The following UPRT variants were observed in gnomAD, a reference collection of about 807,000 sequenced individuals.
The protein encoded by UPRT is RP11-311P8.3.
In UPRT, 5 loss-of-function variants were observed where a neutral mutation model predicts 22.6. That is an observed-to-expected ratio of 0.22 (90% CI 0.12 to 0.47). The LOEUF (loss-of-function observed/expected upper bound fraction) is 0.47. Ranked by LOEUF, UPRT falls within the 20% of genes least tolerant of loss-of-function variation. The pLI is 0.99. For synonymous variants in UPRT, 77 were observed against 87.7 expected (o/e 0.88, Z 0.68); for missense variants, 181 against 239.9 (o/e 0.75, Z 1.62).
intron 3 of UPRT, among the ~76,000 whole-genome samples, chrX:75,166,003 C>T (rs1007903147): frequency 1.8e-5 from 2 of 111,672 alleles, no homozygotes; most frequent in East Asian, 2.8e-4. Context: ...TTAGCAAGAT[C>T]GGGGGAAAAT....
chrX:75,264,872 C>T (rs1398930580), intron 4 of UPRT, among the ~76,000 whole-genome samples: 2 of 111,759 alleles, frequency 1.8e-5, no homozygotes, highest in Non-Finnish European at 3.8e-5. Flanking sequence ...TTAGGGCAGG[C>T]CTGGTGGTGA....
intron 1 of UPRT, among the ~76,000 whole-genome samples, chrX:75,280,475 A>G (rs1352383368): frequency 8.9e-6 from 1 of 112,053 alleles, no homozygotes; most frequent in African/African-American, 3.2e-5. Flanking sequence ...ATCCAGTTTC[A>G]TTCTCCTACA....
intron 4 of UPRT, among the ~76,000 whole-genome samples, chrX:75,223,824 T>C (rs1018412275): frequency 1.4e-4 from 16 of 111,828 alleles, no homozygotes; most frequent in Non-Finnish European, 2.6e-4. Context: ...AGTCATTTGA[T>C]TTTTGGTTCT....
At chrX:75,287,608 T>C (rs755984932) in intron 1 of UPRT, among the ~76,000 whole-genome samples, 4 of 111,196 alleles carry the variant, frequency 3.6e-5, no homozygotes, top group African/African-American at 1.3e-4. Context: ...CACATTAAAT[T>C]GAGGATTTGC....
chrX:75,284,369 C>G (rs2082671051), intron 1 of UPRT, among the ~76,000 whole-genome samples: 1 of 111,239 alleles, frequency 9.0e-6, no homozygotes, highest in Non-Finnish European at 1.9e-5. Context: ...TGTTAAAGAG[C>G]CTTGTTATGT....
At chrX:75,198,226 T>G (rs1324519500) in intron 4 of UPRT, among the ~76,000 whole-genome samples, 1 of 112,674 alleles carries the variant, frequency 8.9e-6, no homozygotes, top group East Asian at 2.8e-4. Flanking sequence ...TTATGTTGAG[T>G]GAAAGAAGCT....
upstream of UPRT, among the ~76,000 whole-genome samples, chrX:75,270,523 A>G (rs1178858877): frequency 8.9e-6 from 1 of 112,117 alleles, no homozygotes; most frequent in African/African-American, 3.2e-5. Flanking sequence ...CATCAATTTT[A>G]GACTGGATAA....
At chrX:75,169,024 A>G (rs984154269) in intron 4 of UPRT, among the ~76,000 whole-genome samples, 1 of 111,558 alleles carries the variant, frequency 9.0e-6, no homozygotes, top group Non-Finnish European at 1.9e-5. Flanking sequence ...GTGACAACAT[A>G]TGATGTTTGG....
chrX:75,226,566 C>T (rs1463504115), intron 4 of UPRT, among the ~76,000 whole-genome samples: 1 of 111,472 alleles, frequency 9.0e-6, no homozygotes. Context: ...ACATTTATCT[C>T]AGAACCTTTG....
chrX:75,245,792 T>C (rs956324885), intron 4 of UPRT, among the ~76,000 whole-genome samples: 3 of 111,001 alleles, frequency 2.7e-5, no homozygotes, highest in African/African-American at 9.8e-5. Context: ...GGCCTACTTG[T>C]GGGTGGAGAA....
At chrX:75,251,889 G>A (rs963880216) in intron 4 of UPRT, among the ~76,000 whole-genome samples, 1 of 110,100 alleles carries the variant, frequency 9.1e-6, no homozygotes, top group Non-Finnish European at 1.9e-5. Context: ...ACAGAACAGA[G>A]CCCTCAGAAA....
At position 75,163,976 on chromosome X, in the gene UPRT, A is replaced by C. The variant is rs757190144; in HGVS notation, c.-521+751A>C. ...GTGGATCACTTGAGGTCAGGAGTTC[A>C]AGACCAGCCTGGCCAACATGGCGAA... On this transcript the variant is annotated intron_variant, in intron 3 of 13. Transcript: ENST00000652605. Among the ~76,000 whole-genome samples the C allele has an allele frequency of 8.1e-5, 9 of 111,065 alleles. No homozygotes were observed. The South Asian group carries it at 3.1e-3, about 38-fold the overall frequency.
intron 4 of UPRT, among the ~76,000 whole-genome samples, chrX:75,204,178 G>A (rs936875089): frequency 9.1e-6 from 1 of 110,156 alleles, no homozygotes; most frequent in African/African-American, 3.3e-5. Flanking sequence ...ATTAGGAGGA[G>A]GAAGATTAGG....
intron 4 of UPRT, among the ~76,000 whole-genome samples, chrX:75,193,396 A>AT (rs1334174006): frequency 9.0e-6 from 1 of 110,786 alleles, no homozygotes; most frequent in Non-Finnish European, 1.9e-5. Context: ...TATCTTTAAC[A>AT]TTTTTTCTTT....
At chrX:75,190,708 C>T (rs1217530013) in intron 4 of UPRT, among the ~76,000 whole-genome samples, 1 of 111,716 alleles carries the variant, frequency 9.0e-6, no homozygotes, top group Non-Finnish European at 1.9e-5. Context: ...AACTTCTCTT[C>T]TCGCTTCATT....
chrX:75,169,435 T>G (rs2082221002), intron 4 of UPRT, among the ~76,000 whole-genome samples: 1 of 111,676 alleles, frequency 9.0e-6, no homozygotes, highest in African/African-American at 3.3e-5. Flanking sequence ...CATCTATTAT[T>G]TTTTTTGGTT....
chrX:75,291,769 T>C (rs184828304), intron 1 of UPRT, among the ~76,000 whole-genome samples: 1 of 111,624 alleles, frequency 9.0e-6, no homozygotes, highest in African/African-American at 3.2e-5. Context: ...CAGCTTGCAG[T>C]AGAGTTACTT....
chrX:75,250,381 C>T (rs1270505849), intron 4 of UPRT, among the ~76,000 whole-genome samples: 2 of 110,565 alleles, frequency 1.8e-5, no homozygotes, highest in African/African-American at 6.6e-5. Flanking sequence ...AAGGGGATAT[C>T]ACCACCGATC....
In UPRT at chrX:75,229,036, G is replaced by A. The variant is rs2082430558; in HGVS notation, c.-447+61157G>A. ...GTGGATTGGAGATATGTTGGTAAAA[G>A]CGTGCAAACTTTCAGTTCTGAAATG... On this transcript the variant is annotated intron_variant, in intron 4 of 13. Transcript: ENST00000652605. 2.7e-5 allele frequency among the ~76,000 whole-genome samples: 3 copies of A among 111,965 alleles called. No individual in the cohort carries two copies. In the Admixed American group the frequency reaches 2.8e-4, roughly 11 times the overall value.
Sources: allele counts gnomAD v4.1 joint callset (sites outside exome capture counted in the v4.1 genomes callset), GRCh38; gene constraint gnomAD v4.1.1; transcripts MANE v1.5; gene names NCBI Gene and HGNC (gene_info 2026-07-23, HGNC 2026-07-21).